The following DIS3L2 variants were observed in gnomAD, a reference collection of about 807,000 sequenced individuals.
DIS3L2 encodes the protein DIS3-like exonuclease 2.
DIS3L2 carries 34 observed loss-of-function variants against 97.5 expected under a neutral mutation model. That is an observed-to-expected ratio of 0.35 (90% CI 0.27 to 0.46). The LOEUF (loss-of-function observed/expected upper bound fraction) is 0.46, where lower values mean the gene tolerates loss of function less well. Ranked by LOEUF, DIS3L2 falls within the 20% of genes least tolerant of loss-of-function variation. The pLI, the probability that DIS3L2 is intolerant of heterozygous loss-of-function variation, is 1.00. For missense variants in DIS3L2, 1,038 were observed against 1,146.0 expected (o/e 0.91, Z 1.36); for synonymous variants, 435 against 445.2 (o/e 0.98, Z 0.29).
intron 8 of DIS3L2, among the ~76,000 whole-genome samples, chr2:232,144,637 A>G (rs911848824): frequency 3.3e-5 from 5 of 152,142 alleles, no homozygotes; most frequent in Non-Finnish European, 7.4e-5. Context: ...TTGGTATGAT[A>G]CCAAGTATAG....
At chr2:232,220,928 C>A (rs936568701) in intron 10 of DIS3L2, among the ~76,000 whole-genome samples, 1 of 151,468 alleles carries the variant, frequency 6.6e-6, no homozygotes, top group Non-Finnish European at 1.5e-5. Flanking sequence ...CATGGAGAAA[C>A]CCCGTCTCTA....
At chr2:232,140,535 C>T (rs571387570) in intron 8 of DIS3L2, among the ~76,000 whole-genome samples, 1 of 152,240 alleles carries the variant, frequency 6.6e-6, no homozygotes, top group Admixed American at 6.5e-5. Context: ...CTTCAAAGTC[C>T]ATGCTTGACA....
intron 8 of DIS3L2, among the ~76,000 whole-genome samples, chr2:232,137,640 T>C (rs1187880852): frequency 6.6e-6 from 1 of 152,242 alleles, no homozygotes; most frequent in Non-Finnish European, 1.5e-5. Context: ...GTTTATTCTA[T>C]ACTTAGCTTC....
intron 14 of DIS3L2, among the ~76,000 whole-genome samples, chr2:232,306,078 C>T (rs767912345): frequency 3.7e-4 from 56 of 152,188 alleles, no homozygotes; most frequent in Admixed American, 2.9e-3. Context: ...CAGGGAGGTT[C>T]ATAGGTCCTG....
chr2:232,095,671 A>C (rs3100587), intron 6 of DIS3L2, among the ~76,000 whole-genome samples: 2 of 152,024 alleles, frequency 1.3e-5, no homozygotes, highest in Non-Finnish European at 2.9e-5. Flanking sequence ...GTACCTTCAG[A>C]TGATTTTTTA....
At chr2:231,970,049 A>G (rs1221853162) in intron 1 of DIS3L2, among the ~76,000 whole-genome samples, 1 of 151,942 alleles carries the variant, frequency 6.6e-6, no homozygotes, top group African/African-American at 2.4e-5. Context: ...GGGCTCAAGC[A>G]GTCCTCCTAC....
intron 5 of DIS3L2, among the ~76,000 whole-genome samples, chr2:232,067,898 T>A (rs1695895660): frequency 6.6e-6 from 1 of 152,146 alleles, no homozygotes; most frequent in Non-Finnish European, 1.5e-5. Context: ...TGAATCACTG[T>A]GTCTAATATT....
At chr2:232,024,611 A>G (rs1694608488) in intron 4 of DIS3L2, among the ~76,000 whole-genome samples, 1 of 152,230 alleles carries the variant, frequency 6.6e-6, no homozygotes, top group Non-Finnish European at 1.5e-5. Flanking sequence ...GTGTAACTGG[A>G]CGCCCTTGGT....
intron 7 of DIS3L2, among the ~76,000 whole-genome samples, chr2:232,134,539 T>C (rs144358185): frequency 8.5e-5 from 13 of 152,158 alleles, no homozygotes; most frequent in Non-Finnish European, 1.9e-4. Flanking sequence ...ATATGGTGGT[T>C]CAAGGCCGGA....
At position 232,169,482 on chromosome 2, in the gene DIS3L2, T is replaced by C. The variant is rs1008148019; in HGVS notation, c.1124+5850T>C. On this transcript the variant is annotated intron_variant, in intron 9 of 20. Coordinates refer to ENST00000325385, the MANE Select transcript of DIS3L2 (RefSeq NM_152383.5). Reference sequence around the variant, plus strand: ...CAGCAGACAATGGCAAGTGCTGTAATATAGGTATGAACAGACTGCCAGGGT... The same window carrying C: ...CAGCAGACAATGGCAAGTGCTGTAACATAGGTATGAACAGACTGCCAGGGT... 9.9e-5 allele frequency among the ~76,000 whole-genome samples: 15 copies of C among 152,120 alleles called. No individual in the cohort carries two copies. The East Asian group carries it at 2.7e-3, about 27-fold the overall frequency.
intron 13 of DIS3L2, among the ~76,000 whole-genome samples, chr2:232,270,860 GTCTCTCTCTCTCTCTCTCTCTC>G (rs71056262): frequency 1.3e-3 from 135 of 103,868 alleles, no homozygotes; most frequent in African/African-American, 3.1e-3. Flanking sequence ...TCTTTTTCTC[GTCTCTCTCTCTCTCTCTCTCTC>G]TCTCTCTCTC....
chr2:232,066,654 T>C (rs1695863977), intron 5 of DIS3L2, among the ~76,000 whole-genome samples: 1 of 152,048 alleles, frequency 6.6e-6, no homozygotes. Context: ...ATTTCCTTTT[T>C]AAGTATTTGA....
intron 5 of DIS3L2, among the ~76,000 whole-genome samples, chr2:232,048,724 C>G (rs925812936): frequency 6.6e-6 from 1 of 150,756 alleles, no homozygotes; most frequent in African/African-American, 2.4e-5. Flanking sequence ...GAGCAAGACT[C>G]CCTCTCAAAA....
At chr2:231,981,031 C>A (rs927292430) in intron 1 of DIS3L2, among the ~76,000 whole-genome samples, 1 of 152,130 alleles carries the variant, frequency 6.6e-6, no homozygotes, top group Non-Finnish European at 1.5e-5. Flanking sequence ...GCAACCTCTG[C>A]CTCTCAGGTT....
chr2:232,050,131 C>G (rs1695358448), intron 5 of DIS3L2, among the ~76,000 whole-genome samples: 1 of 152,150 alleles, frequency 6.6e-6, no homozygotes, highest in African/African-American at 2.4e-5. Flanking sequence ...TTTCCTGGAG[C>G]TTTCTACAGT....
At chr2:232,029,250 A>G (rs1383589795) in intron 4 of DIS3L2, among the ~76,000 whole-genome samples, 2 of 152,198 alleles carry the variant, frequency 1.3e-5, no homozygotes, top group East Asian at 1.9e-4. Context: ...ATAAGAGTAC[A>G]TGTTTGTTGG....
At chr2:232,157,859 A>C (rs1394510871) in intron 8 of DIS3L2, among the ~76,000 whole-genome samples, 3 of 152,190 alleles carry the variant, frequency 2.0e-5, no homozygotes, top group Non-Finnish European at 1.5e-5. Context: ...CCCTTGAGCA[A>C]GCACTGCAGC....
rs1484631364 is a variant in DIS3L2 at position 232,293,194 on chromosome 2, C to T, written c.1660-6846C>T. On this transcript the variant is annotated intron_variant, in intron 13 of 20. Transcript: ENST00000325385. The surrounding 1 kb of genome is among the most constrained non-coding windows in gnomAD (Gnocchi z 4.6). ...AGCTTGTGCCTCTTGAGGGTGCTGA[C>T]AAGATGGCAACACCTGAACACTGAG... Among the ~76,000 whole-genome samples the T allele has an allele frequency of 6.6e-6, 1 of 152,086 alleles. No individual in the cohort carries two copies. The highest frequency in any genetic ancestry group is 1.9e-4 in the East Asian group (1 of 5,178).
chr2:231,989,339 T>TTGTGTGTGTGTGTGTGTGTGTGTG (rs59088969), intron 1 of DIS3L2, among the ~76,000 whole-genome samples: 1 of 146,690 alleles, frequency 6.8e-6, no homozygotes, highest in Non-Finnish European at 1.5e-5. Flanking sequence ...GTCAGTATAA[T>TTGTGTGTGTGTGTGTGTGTGTGTG]TGTGTGTGTG....
Sources: gnomAD v4.1 joint callset for allele counts (sites outside exome capture counted in the v4.1 genomes callset) on GRCh38, gnomAD v4.1.1 for gene constraint, Gnocchi (gnomAD v3.1) non-coding constraint, MANE v1.5 for transcripts, NCBI Gene and HGNC (gene_info 2026-07-23, HGNC 2026-07-21) for gene names.